The following ANK2 variants were observed in gnomAD, a reference collection of about 807,000 sequenced individuals.
ANK2 encodes the protein ankyrin-2.
A neutral mutation model predicts 360.5 loss-of-function variants in ANK2; 83 were observed. The ratio of observed to expected loss-of-function variants is 0.23; its 90% CI spans 0.19 to 0.28. ANK2 has a LOEUF of 0.28. ANK2 is among the 10% of genes least tolerant of loss of function. The probability of loss-of-function intolerance (pLI) is 1.00; values close to 1 mark genes in which losing one functional copy is unlikely to be tolerated. For synonymous variants in ANK2, 1,740 were observed against 1,759.5 expected (o/e 0.99, Z 0.28); for missense variants, 4,201 against 4,795.7 (o/e 0.88, Z 3.66).
At chr4:113,266,603 C>G (rs901371269) in intron 14 of ANK2, among the ~76,000 whole-genome samples, 1 of 152,214 alleles carries the variant, frequency 6.6e-6, no homozygotes, top group African/African-American at 2.4e-5. Context: ...CTCTGCCAGG[C>G]ATGGTGGCTC....
chr4:113,196,139 A>C (rs368049973), intron 2 of ANK2, among the ~76,000 whole-genome samples: 1 of 152,364 alleles, frequency 6.6e-6, no homozygotes, highest in Non-Finnish European at 1.5e-5. Context: ...GTTGAAATGA[A>C]GTTGCCAAAA....
chr4:112,827,578 C>T (rs946582215), intron 1 of ANK2: 22 of 1,048,140 alleles, frequency 2.1e-5, no homozygotes, highest in African/African-American at 6.2e-5. Context: ...GAAATATTCT[C>T]GAGCTCTATA....
upstream of ANK2, among the ~76,000 whole-genome samples, chr4:113,047,402 A>C (rs2064864415): frequency 6.6e-6 from 1 of 152,220 alleles, no homozygotes; most frequent in African/African-American, 2.4e-5. Flanking sequence ...TGATATCCAC[A>C]GTAGTTAGCA....
chr4:112,857,254 A>G (rs1383255973), intron 1 of ANK2, among the ~76,000 whole-genome samples: 1 of 152,242 alleles, frequency 6.6e-6, no homozygotes, highest in Non-Finnish European at 1.5e-5. Context: ...AATTAACAAT[A>G]GCCATGTGGA....
At chr4:112,847,486 G>A (rs1163058048) in intron 1 of ANK2, among the ~76,000 whole-genome samples, 1 of 152,038 alleles carries the variant, frequency 6.6e-6, no homozygotes, top group Non-Finnish European at 1.5e-5. Flanking sequence ...ACTCTATCTT[G>A]TATTATTTCA....
intron 4 of ANK2, among the ~76,000 whole-genome samples, chr4:113,206,544 G>A (rs973846456): frequency 3.9e-5 from 6 of 152,006 alleles, no homozygotes; most frequent in African/African-American, 1.5e-4. Context: ...ATGAAGGCAG[G>A]TACTTGCATT....
chr4:112,761,202 G>A, the ANK2 span, among the ~76,000 whole-genome samples: 2 of 152,056 alleles, frequency 1.3e-5, no homozygotes, highest in Non-Finnish European at 2.9e-5. Flanking sequence ...GAAATTTTGG[G>A]CATACATATT....
chr4:112,715,122 T>C, the ANK2 span, among the ~76,000 whole-genome samples: 1 of 152,214 alleles, frequency 6.6e-6, no homozygotes, highest in Admixed American at 6.5e-5. Flanking sequence ...GTCACACGTC[T>C]GGTGACCAAT....
chr4:113,012,636 A>G lies in ANK2; in HGVS notation c.21+108122A>G, dbSNP rs144476120. Among the ~76,000 whole-genome samples, 41 of 152,228 alleles carry G rather than the reference A, an allele frequency of 2.7e-4. 1 individual carries two copies. In the East Asian group the frequency reaches 3.9e-3, roughly 14 times the overall value. On this transcript the variant is annotated intron_variant, in intron 2 of 30. Transcript: ENST00000503271. ...GTGGCAAACATATAATTTTATCACT[A>G]TATCTGTTAATTTAGCAGAAAAAAT...
chr4:113,293,206 A>G, intron 21 of ANK2: 1 of 659,776 alleles, frequency 1.5e-6, no homozygotes, highest in East Asian at 3.0e-5. Context: ...AGTGCTTCTT[A>G]TTAAAAAGAG....
chr4:113,015,323 T>A (rs2056305632), intron 2 of ANK2, among the ~76,000 whole-genome samples: 1 of 152,190 alleles, frequency 6.6e-6, no homozygotes, highest in Admixed American at 6.5e-5. Context: ...AGGTCGTGAT[T>A]AAGGATGAGA....
At chr4:113,273,337 G>C (rs1272928010) in intron 14 of ANK2, among the ~76,000 whole-genome samples, 1 of 152,190 alleles carries the variant, frequency 6.6e-6, no homozygotes, top group Non-Finnish European at 1.5e-5. Context: ...TGTACATGAA[G>C]AAAGGTTTTC....
chr4:113,107,574 C>G (rs954825438), intron 1 of ANK2, among the ~76,000 whole-genome samples: 1 of 152,180 alleles, frequency 6.6e-6, no homozygotes, highest in Non-Finnish European at 1.5e-5. Flanking sequence ...ATTAATGATG[C>G]TGACCATTCA....
At chr4:113,304,149 C>G (rs940612116) in intron 23 of ANK2, among the ~76,000 whole-genome samples, 19 of 152,160 alleles carry the variant, frequency 1.2e-4, no homozygotes, top group African/African-American at 4.6e-4. Flanking sequence ...CCAACTAGTT[C>G]TCAGCATTCC....
chr4:112,762,239 T>A, the ANK2 span, among the ~76,000 whole-genome samples: 3 of 152,218 alleles, frequency 2.0e-5, no homozygotes, highest in Admixed American at 6.5e-5. Context: ...TTTCTTAATA[T>A]TGGATTAAAT....
chr4:113,327,510 C>T (rs6834212), intron 26 of ANK2, among the ~76,000 whole-genome samples: 12,718 of 152,200 alleles, frequency 0.084, 1,328 homozygotes, highest in African/African-American at 0.25. Context: ...CAGCTCCTCA[C>T]GTCTTGCCCT....
intron 1 of ANK2, among the ~76,000 whole-genome samples, chr4:112,859,507 T>A (rs1314916275): frequency 6.6e-6 from 1 of 152,228 alleles, no homozygotes; most frequent in Non-Finnish European, 1.5e-5. Context: ...TGCTGCCTCC[T>A]GTGTCCAGGA....
chr4:113,378,746 C>G (rs2154084836), intron 45 of ANK2, among the ~76,000 whole-genome samples: 1 of 152,264 alleles, frequency 6.6e-6, no homozygotes, highest in South Asian at 2.1e-4. Context: ...AAGCAGTAAG[C>G]AGCACATTTT....
chr4:113,207,697 A>G (rs1367406540), intron 4 of ANK2, among the ~76,000 whole-genome samples: 2 of 151,798 alleles, frequency 1.3e-5, no homozygotes, highest in Non-Finnish European at 2.9e-5. Flanking sequence ...AAAAAAAAAA[A>G]AAAAAAAAAG....
Sources: gnomAD v4.1 joint callset for allele counts (sites outside exome capture counted in the v4.1 genomes callset) on GRCh38, gnomAD v4.1.1 for gene constraint, MANE v1.5 for transcripts, NCBI Gene and HGNC (gene_info 2026-07-23, HGNC 2026-07-21) for gene names.